The following SCRIB variants were observed in gnomAD, a reference collection of about 807,000 sequenced individuals.
SCRIB encodes scribble planar cell polarity protein.
SCRIB carries 72 observed loss-of-function variants against 170.0 expected under a neutral mutation model. The observed-to-expected ratio is 0.42, with a 90% CI of 0.35 to 0.52. The LOEUF (loss-of-function observed/expected upper bound fraction) is 0.52. Among genes scored for constraint, SCRIB ranks in the 20% least tolerant of loss-of-function variants. SCRIB has a pLI of 0.02. For missense variants in SCRIB, 2,475 were observed against 2,338.5 expected (o/e 1.06, Z -1.20); for synonymous variants, 1,298 against 1,044.3 (o/e 1.24, Z -4.68).
In SCRIB at chr8:143,809,669, G is replaced by A. The variant is rs943069059; in HGVS notation, c.1580C>T (p.Ser527Phe). Residue 527 changes from serine (S) to phenylalanine (F), a missense_variant, in exon 14 of 37, where the codon TCT becomes TTT. Around this residue, in one of 3 missense-constraint regions of SCRIB, gnomAD observed 1,966 missense variants for 1,742.9 expected, o/e 1.13. Coordinates refer to ENST00000356994, the MANE Select transcript of SCRIB (RefSeq NM_182706.5). ...CTCAGCCTCAGAGACTGTGCTGGCA[G>A]ATGGGCGAGAGTCTTCACTCAGGCC... Reference protein sequence around the residue: ...ESGLSEDSRPSASTVSEAEPE... With the variant: ...ESGLSEDSRPFASTVSEAEPE... 3.7e-6 allele frequency: 6 copies of A among 1,610,998 alleles called. No homozygotes were observed. Among genetic ancestry groups the A allele is most frequent in the East Asian group, 2.2e-5 (1 of 44,884 alleles).
At chr8:143,807,407 C>T in intron 16 of SCRIB, 145 bp downstream of exon 16, 1 of 771,020 alleles carries the variant, frequency 1.3e-6, no homozygotes, top group Admixed American at 1.8e-5. Context: ...AGGAGGTGTC[C>T]TGATCCTGGA....
In SCRIB at chr8:143,815,283, C is replaced by T; in HGVS notation, c.90G>A (p.Glu30=). Residue 30 remains glutamate (E), a synonymous_variant, in exon 1 of 37, where the codon GAG becomes GAA. Transcript: ENST00000356994. ...CCAGGCTGCGGCTGTAGCGGTAGAT[C>T]TCCTCCGGCACGGCCTGCAGCGAAC... ...RHCSLQAVPE[E]IYRYSRSLEE... The T allele has an allele frequency of 6.3e-7, 1 of 1,597,500 alleles. No homozygotes were observed. Among genetic ancestry groups the T allele is most frequent in the South Asian group, 1.1e-5 (1 of 89,390 alleles).
Position 143,795,326 on chromosome 8 carries a change from T to C in SCRIB, c.3722A>G (p.Glu1241Gly). ...CCAGTGCAGGGTCTGTCCAGGCAGC[T>C]CCTTCTCCTGTGAGCAGAGCAGAGC... ...LSPEGPGKEK[E>G]LPGQTLHWGP... Residue 1241 changes from glutamate (E) to glycine (G), a missense_variant, in exon 26 of 37, where the codon GAG becomes GGG. By Grantham distance (98) the Glu-to-Gly change is moderately conservative. Around this residue, in one of 3 missense-constraint regions of SCRIB, gnomAD observed 1,966 missense variants for 1,742.9 expected, o/e 1.13. Coordinates refer to ENST00000356994, the MANE Select transcript of SCRIB (RefSeq NM_182706.5). 6.2e-7 allele frequency: 1 copy of C among 1,612,788 alleles called. No homozygotes were observed. The highest frequency in any genetic ancestry group is 8.5e-7 in the Non-Finnish European group (1 of 1,179,868).
intron 24 of SCRIB, among the ~76,000 whole-genome samples, chr8:143,799,831 A>T (rs994329031): frequency 2.0e-5 from 3 of 150,570 alleles, no homozygotes; most frequent in African/African-American, 7.5e-5. Flanking sequence ...AGGCTCTGAC[A>T]GACAAACACG....
Position 143,814,914 on chromosome 8 carries a change from A to G in SCRIB, c.159+300T>C, listed in dbSNP as rs930958321. The G allele has an allele frequency of 6.5e-4, 266 of 410,372 alleles. 4 individuals carry two copies. In the East Asian group the frequency reaches 0.01, roughly 16 times the overall value. The allele number at this position is 410,372 out of a possible 1,614,324, so 25.4% of individuals were successfully genotyped here. A position where few individuals can be genotyped will look rare whatever the true frequency, so the allele number is the denominator to read the frequency against. ...AAGCTAGTACTCATCAGCCACCTGAATCCAAGTTCCACCCTAACCCCATCC... is the reference window on the plus strand; with the variant it reads ...AAGCTAGTACTCATCAGCCACCTGAGTCCAAGTTCCACCCTAACCCCATCC... On this transcript the variant is annotated intron_variant, in intron 1 of 36. Coordinates refer to ENST00000356994, the MANE Select transcript of SCRIB (RefSeq NM_182706.5).
chr8:143,801,270 G>A (rs546571966), intron 24 of SCRIB, among the ~76,000 whole-genome samples: 1 of 152,298 alleles, frequency 6.6e-6, no homozygotes, highest in East Asian at 1.9e-4. Context: ...GACATGGCTT[G>A]AGCGCAGGAG....
chr8:143,805,372 C>A lies in SCRIB; in HGVS notation c.2410G>T (p.Gly804Cys), dbSNP rs781871907. ...HEAVEALRGA[G>C]TAVQMRVWRE... ...CACACTCGCATCTGCACGGCAGTGC[C>A]GGCCCCCCGGAGCGCCTCCACGGCC... is the stretch of plus-strand genomic sequence containing the variant. Residue 804 changes from glycine (G) to cysteine (C), a missense_variant, in exon 19 of 37, where the codon GGC (glycine) becomes TGC (cysteine). Coordinates refer to ENST00000356994, the MANE Select transcript of SCRIB (RefSeq NM_182706.5). 1 of 1,548,658 alleles carries A rather than the reference C, an allele frequency of 6.5e-7. No individual in the cohort carries two copies. Among genetic ancestry groups the A allele is most frequent in the Non-Finnish European group, 8.7e-7 (1 of 1,153,132 alleles).
Position 143,805,272 on chromosome 8 carries a change from CG to C in SCRIB, c.2509del (p.Arg837GlufsTer87). 1.3e-6 allele frequency: 2 copies of C among 1,554,444 alleles called. No homozygotes were observed. The highest frequency in any genetic ancestry group is 1.7e-6 in the Non-Finnish European group (2 of 1,156,144). ...GCGCAGCCCCCCTCCCCGCCGCTCTCGGGGGCTGTAATCATCCTCGGGCCGC... is the reference window on the plus strand; with the variant it reads ...GCGCAGCCCCCCTCCCCGCCGCTCTCGGGGCTGTAATCATCCTCGGGCCGC... ...PLRPEDDYSP[R>X]ERRGGGLRLP... is the part of the protein sequence containing the mutation. On this transcript the variant is annotated frameshift_variant, in exon 19 of 37. Coordinates refer to ENST00000356994, the MANE Select transcript of SCRIB (RefSeq NM_182706.5). LOFTEE classifies it high-confidence loss of function.
In SCRIB at chr8:143,791,291, C is replaced by A; in HGVS notation, c.4840G>T (p.Gly1614Ter). The change falls in exon 37 of 37, where the codon GGA becomes TGA. Residue 1614 changes from glycine to a stop codon, truncating the protein, a stop_gained. Transcript: ENST00000356994. LOFTEE classifies it high-confidence loss of function. ...CCCAGAAGCACCAGAGCCACTTCTC[C>A]ATCCTCCTCCTGCGGGCCTGGAGGG... ...SPSPGPQEED[G>*]EVALVLLGRP... 6.4e-7 allele frequency: 1 copy of A among 1,556,192 alleles called. No individual in the cohort carries two copies.
intron 19 of SCRIB, 32 bp downstream of exon 19, chr8:143,805,080 C>CA (rs1468893773): frequency 6.3e-7 from 1 of 1,590,090 alleles, no homozygotes; most frequent in African/African-American, 1.3e-5. Context: ...AGCTCTAGAG[C>CA]AGCCCTCCCC....
intron 3 of SCRIB, 25 bp downstream of exon 3, chr8:143,813,793 G>A (rs919480555): frequency 2.4e-5 from 39 of 1,607,794 alleles, no homozygotes; most frequent in Non-Finnish European, 3.1e-5. Flanking sequence ...AGCCCCTACC[G>A]ACCCCACCAC....
At chr8:143,814,512 G>A (rs756290536) in intron 1 of SCRIB, among the ~76,000 whole-genome samples, 4 of 152,058 alleles carry the variant, frequency 2.6e-5, no homozygotes, top group South Asian at 2.1e-4. Context: ...TCTGCAGCAA[G>A]AACTCAGTAA....
chr8:143,801,145 C>T (rs781972455), intron 24 of SCRIB, among the ~76,000 whole-genome samples: 4 of 152,256 alleles, frequency 2.6e-5, no homozygotes, highest in Non-Finnish European at 5.9e-5. Context: ...GAACTGAACA[C>T]AATGAGGCCA....
rs901584211 is a variant in SCRIB at position 143,791,678 on chromosome 8, G to A, written c.4758C>T (p.Val1586=). The change falls in exon 35 of 37, where the codon GTC becomes GTT. Residue 1586 remains valine (V), a synonymous_variant. Coordinates refer to ENST00000356994, the MANE Select transcript of SCRIB (RefSeq NM_182706.5). The part of the protein sequence containing the change: ...AFAALPSSRP[V]YDIQSPDFAE... The stretch of plus-strand genomic sequence containing the variant: ...GGAGGCCAGGTACCTGGATGTCATA[G>A]ACAGGTCTGGAAGAAGGCAGGGCCG... 2.5e-6 allele frequency: 4 copies of A among 1,605,742 alleles called. No individual in the cohort carries two copies. In the African/African-American group the frequency reaches 4.0e-5, roughly 16 times the overall value.
Position 143,791,227 on chromosome 8 carries a change from G to C in SCRIB, c.4904C>G (p.Ala1635Gly). Residue 1635 changes from alanine to glycine, a missense_variant, in exon 37 of 37, where the codon GCA becomes GGA. Ala to Gly is a moderately conservative substitution (Grantham distance 60). Around this residue, in one of 3 missense-constraint regions of SCRIB, gnomAD observed 1,966 missense variants for 1,742.9 expected, o/e 1.13. Coordinates refer to ENST00000356994, the MANE Select transcript of SCRIB (RefSeq NM_182706.5). The part of the protein sequence containing the change: ...SPGAVGPEDV[A>G]LCSSRRPVRP... The stretch of plus-strand genomic sequence containing the variant: ...TACGGGGCGGCGGCTGCTGCACAGT[G>C]CCACATCTTCAGGGCCCACAGCGCC... The C allele has an allele frequency of 6.8e-7, 1 of 1,479,946 alleles. No homozygotes were observed. Among genetic ancestry groups the C allele is most frequent in the Non-Finnish European group, 9.0e-7 (1 of 1,113,828 alleles). 91.7% of individuals were successfully genotyped at this position (1,479,946 alleles called of 1,614,324 possible).
intron 24 of SCRIB, among the ~76,000 whole-genome samples, chr8:143,800,836 G>A (rs898958906): frequency 6.6e-6 from 1 of 152,264 alleles, no homozygotes; most frequent in Non-Finnish European, 1.5e-5. Flanking sequence ...CGACTGTGCC[G>A]CTACTCCAGC....
At chr8:143,797,901 G>T (rs1184529524) in intron 24 of SCRIB, among the ~76,000 whole-genome samples, 3 of 152,260 alleles carry the variant, frequency 2.0e-5, no homozygotes, top group African/African-American at 7.2e-5. Flanking sequence ...AGTGTCAGAG[G>T]TTCTTTGTCC....
intron 28 of SCRIB, 33 bp from the exon 29 acceptor site, chr8:143,793,116 GGCAGCTGTCGGGGCT>G (rs1814781039): frequency 8.0e-7 from 1 of 1,257,148 alleles, no homozygotes; most frequent in Non-Finnish European, 1.1e-6. Context: ...GCTATGCTGG[GGCAGCTGTCGGGGCT>G]GCAGCTGTGT....
Position 143,792,577 on chromosome 8 carries a change from G to C in SCRIB, c.4236C>G (p.Ala1412=), listed in dbSNP as rs199892856. The part of the protein sequence containing the change: ...QMLREAAEAG[A]EARLALDGET... ...CCCCGTCCAGGGCGAGCCTCGCTTC[G>C]GCCCCAGCCTCTGCCGCCTCCCGCA... is the stretch of plus-strand genomic sequence containing the variant. The change falls in exon 31 of 37, where the codon GCC becomes GCG. Residue 1412 remains alanine (A), a synonymous_variant. Transcript: ENST00000356994. 1.9e-6 allele frequency: 3 copies of C among 1,580,222 alleles called. No individual in the cohort carries two copies. Among genetic ancestry groups the C allele is most frequent in the South Asian group, 1.1e-5 (1 of 88,242 alleles).
Sources: gnomAD v4.1 joint callset for allele counts (sites outside exome capture counted in the v4.1 genomes callset) on GRCh38, gnomAD v4.1.1 for gene constraint, gnomAD v4.1.1 regional missense constraint, MANE v1.5 for transcripts, NCBI Gene and HGNC (gene_info 2026-07-23, HGNC 2026-07-21) for gene names.